SORCS2: variants seen among roughly 807,000 people sequenced by gnomAD.
The protein encoded by SORCS2 is sortilin related VPS10 domain containing receptor 2.
A neutral mutation model predicts 141.6 loss-of-function variants in SORCS2; 100 were observed. The observed-to-expected ratio is 0.71, with a 90% CI of 0.60 to 0.83. The LOEUF (loss-of-function observed/expected upper bound fraction) is 0.83. Ranked by LOEUF, SORCS2 falls within the 40% of genes least tolerant of loss-of-function variation. SORCS2 has a pLI of 0.00. For missense variants in SORCS2, 1,646 were observed against 1,560.2 expected (o/e 1.05, Z -0.93); for synonymous variants, 789 against 676.9 (o/e 1.17, Z -2.57).
chr4:7,722,175 C>T (rs772091908), intron 18 of SORCS2, among the ~76,000 whole-genome samples: 15 of 152,210 alleles, frequency 9.9e-5, no homozygotes, highest in Non-Finnish European at 1.9e-4. Flanking sequence ...CCAGGTTGAG[C>T]GGATCACGAG....
chr4:7,403,997 A>ATATATATAT (rs1265288820), intron 2 of SORCS2, among the ~76,000 whole-genome samples: 31 of 18,944 alleles, frequency 1.6e-3, no homozygotes, highest in East Asian at 6.3e-3. Flanking sequence ...ATATATATAT[A>ATATATATAT]TTTTTTTTTT....
At chr4:7,510,717 G>GCCACCC (rs1553876482) in intron 2 of SORCS2, among the ~76,000 whole-genome samples, 1 of 146,442 alleles carries the variant, frequency 6.8e-6, no homozygotes, top group African/African-American at 2.5e-5. Flanking sequence ...TCCAGGAAAT[G>GCCACCC]CGACCCCGGG....
intron 1 of SORCS2, among the ~76,000 whole-genome samples, chr4:7,267,195 T>C (rs1416434958): frequency 6.6e-6 from 1 of 152,132 alleles, no homozygotes; most frequent in Non-Finnish European, 1.5e-5. Context: ...TAGAGATGAG[T>C]AGGCATCTTC....
chr4:7,737,295 C>T (rs980224497), intron 26 of SORCS2, 123 bp downstream of exon 26: 1 of 1,396,176 alleles, frequency 7.2e-7, no homozygotes, highest in African/African-American at 1.5e-5. Flanking sequence ...GCTGGCCCAG[C>T]AGCCCTTGCC....
intron 9 of SORCS2, 40 bp downstream of exon 9, chr4:7,676,269 C>T: frequency 6.5e-7 from 1 of 1,539,678 alleles, no homozygotes; most frequent in Non-Finnish European, 8.8e-7. Context: ...TGCCGCCGAC[C>T]CCCTGCCCTC....
At chr4:7,640,431 TGA>T (rs138111524) in intron 4 of SORCS2, among the ~76,000 whole-genome samples, 43,265 of 149,190 alleles carry the variant, frequency 0.29, 6,621 homozygotes, top group Middle Eastern at 0.41. Context: ...ATCGTGTGTG[TGA>T]GTCTACATGA....
At chr4:7,297,342 C>T (rs1577369238) in intron 1 of SORCS2, among the ~76,000 whole-genome samples, 1 of 152,208 alleles carries the variant, frequency 6.6e-6, no homozygotes, top group Admixed American at 6.5e-5. Context: ...CTGCCTCTGC[C>T]TGTCCTCAGT....
At chr4:7,332,175 A>G (rs1719693620) in intron 1 of SORCS2, among the ~76,000 whole-genome samples, 2 of 152,168 alleles carry the variant, frequency 1.3e-5, no homozygotes, top group Non-Finnish European at 2.9e-5. Context: ...CTTCAGTGCC[A>G]GGAGCTCAGG....
intron 2 of SORCS2, among the ~76,000 whole-genome samples, chr4:7,527,152 G>A (rs887387811): frequency 1.7e-4 from 26 of 152,186 alleles, no homozygotes; most frequent in Admixed American, 1.6e-3. Context: ...CACAGCTCAC[G>A]TGGGGACACT....
At chr4:7,464,069 C>G (rs1362709262) in intron 2 of SORCS2, among the ~76,000 whole-genome samples, 2 of 152,210 alleles carry the variant, frequency 1.3e-5, no homozygotes, top group African/African-American at 4.8e-5. Flanking sequence ...TGAGCTTCTA[C>G]ACTGGGCTGG....
intron 1 of SORCS2, among the ~76,000 whole-genome samples, chr4:7,370,680 G>A (rs1187104585): frequency 4.6e-5 from 7 of 152,134 alleles, no homozygotes; most frequent in African/African-American, 2.4e-5. Flanking sequence ...GTGCTATCCC[G>A]AGCTGGTGTC....
intron 3 of SORCS2, among the ~76,000 whole-genome samples, chr4:7,589,149 G>A (rs1221805028): frequency 6.6e-6 from 1 of 152,204 alleles, no homozygotes; most frequent in Non-Finnish European, 1.5e-5. Flanking sequence ...GCAGTGCCAA[G>A]AGTTTGGCGT....
intron 10 of SORCS2, among the ~76,000 whole-genome samples, chr4:7,689,210 G>A (rs1457004393): frequency 3.3e-5 from 5 of 152,054 alleles, no homozygotes; most frequent in African/African-American, 1.2e-4. Context: ...ATCTAGATTA[G>A]GGAACCAACA....
intron 1 of SORCS2, among the ~76,000 whole-genome samples, chr4:7,221,482 C>T (rs952133916): frequency 6.6e-6 from 1 of 152,264 alleles, no homozygotes; most frequent in Non-Finnish European, 1.5e-5. Context: ...TCAAGGTGTG[C>T]AAGAGCTGGA....
intron 3 of SORCS2, among the ~76,000 whole-genome samples, chr4:7,543,770 G>A (rs1161846033): frequency 0.035 from 321 of 9,248 alleles, 19 homozygotes; most frequent in African/African-American, 0.1. Flanking sequence ...CCACCCATCC[G>A]TCCATCCATC....
chr4:7,258,970 G>T (rs1471107687), intron 1 of SORCS2, among the ~76,000 whole-genome samples: 3 of 152,122 alleles, frequency 2.0e-5, no homozygotes, highest in Admixed American at 2.0e-4. Flanking sequence ...TTTTGATGGG[G>T]TTGTTTGTTT....
rs112698681 is a variant in SORCS2 at position 7,325,766 on chromosome 4, C to G, written c.481-70522C>G. Among the ~76,000 whole-genome samples the G allele has an allele frequency of 1.6e-3, 240 of 152,282 alleles. 1 individual carries two copies. The highest frequency in any genetic ancestry group is 5.5e-3 in the African/African-American group (229 of 41,566). The stretch of plus-strand genomic sequence containing the variant: ...CTGCAGCCTGAGCTCTGGGACCTTC[C>G]CTCCCCCCACGCCCACCCTCCGGTC... On this transcript the variant is annotated intron_variant, in intron 1 of 26. Transcript: ENST00000507866.
At chr4:7,729,229 C>T (rs763343945) in intron 22 of SORCS2, among the ~76,000 whole-genome samples, 5 of 152,120 alleles carry the variant, frequency 3.3e-5, no homozygotes, top group African/African-American at 4.8e-5. Flanking sequence ...GGTCACAGAC[C>T]TGGAATGGTG....
chr4:7,329,299 GAC>G (rs895032249), intron 1 of SORCS2, among the ~76,000 whole-genome samples: 3 of 152,228 alleles, frequency 2.0e-5, no homozygotes, highest in Non-Finnish European at 4.4e-5. Context: ...TTGGCAAGAG[GAC>G]AGCCACCAGG....
Sources: gnomAD v4.1 joint callset for allele counts (sites outside exome capture counted in the v4.1 genomes callset) on GRCh38, gnomAD v4.1.1 for gene constraint, MANE v1.5 for transcripts, NCBI Gene and HGNC (gene_info 2026-07-23, HGNC 2026-07-21) for gene names.